The following RBM4B variants were observed in gnomAD, a reference collection of about 807,000 sequenced individuals.
RBM4B encodes the protein RNA-binding protein 4B.
In RBM4B, 13 loss-of-function variants were observed where a neutral mutation model predicts 28.5. The ratio of observed to expected loss-of-function variants is 0.46; its 90% CI spans 0.30 to 0.72. The LOEUF (loss-of-function observed/expected upper bound fraction) is 0.72. RBM4B is among the 30% of genes least tolerant of loss of function. RBM4B has a pLI of 0.09. For missense variants in RBM4B, 387 were observed against 477.6 expected (o/e 0.81, Z 1.77); for synonymous variants, 167 against 179.1 (o/e 0.93, Z 0.54).
chr11:66,675,190 G>A (rs1939599878), intron 2 of RBM4B, among the ~76,000 whole-genome samples: 1 of 152,214 alleles, frequency 6.6e-6, no homozygotes, highest in East Asian at 1.9e-4. Flanking sequence ...ACTCATGGTT[G>A]CAAAGAGCAA....
At chr11:66,672,565 G>A (rs1235698412) in intron 2 of RBM4B, among the ~76,000 whole-genome samples, 1 of 150,700 alleles carries the variant, frequency 6.6e-6, no homozygotes, top group African/African-American at 2.4e-5. Flanking sequence ...GCGCAGTCTC[G>A]GCTCACTGCA....
In RBM4B at chr11:66,665,449, C is replaced by T. The variant is rs1472801651; in HGVS notation, c.*139G>A. 2 of 735,582 alleles carry T rather than the reference C, an allele frequency of 2.7e-6. No individual in the cohort carries two copies. Among genetic ancestry groups the T allele is most frequent in the Non-Finnish European group, 4.7e-6 (2 of 427,564 alleles). 45.6% of individuals were successfully genotyped at this position (735,582 alleles called of 1,614,324 possible). The stretch of plus-strand genomic sequence containing the variant: ...AACTTAGAAGAATTAAGAAAGAAAA[C>T]ATAGTTGGTCACAAACTCCTTTTGT... On this transcript the variant is annotated 3_prime_UTR_variant, in exon 4 of 4. Transcript: ENST00000310046.
At chr11:66,676,244 C>A (rs1939632094) in intron 2 of RBM4B, 1 of 213,486 alleles carries the variant, frequency 4.7e-6, no homozygotes, top group Non-Finnish European at 9.2e-6. Flanking sequence ...CCACCAGTAT[C>A]CACCCAAAGC....
Position 66,666,198 on chromosome 11 carries a change from G to A in RBM4B, c.*10-620C>T, listed in dbSNP as rs1030518893. ...GCCAAATCAAAAGAAATCATTCCTA[G>A]AATTCTCTAATCCTTCTATTGATGA... On this transcript the variant is annotated intron_variant, in intron 3 of 3. Transcript: ENST00000310046. The A allele has an allele frequency of 1.5e-5, 13 of 860,090 alleles. No individual in the cohort carries two copies. In the Admixed American group the frequency reaches 5.1e-4, roughly 34 times the overall value. The allele number at this position is 860,090 out of a possible 1,614,324, so 53.3% of individuals were successfully genotyped here. A position where few individuals can be genotyped will look rare whatever the true frequency, so the allele number is the denominator to read the frequency against.
At chr11:66,674,982 G>C (rs1441038754) in intron 2 of RBM4B, among the ~76,000 whole-genome samples, 1 of 152,190 alleles carries the variant, frequency 6.6e-6, no homozygotes, top group Non-Finnish European at 1.5e-5. Flanking sequence ...CCTGTCAGGA[G>C]AAAACCCTCC....
At chr11:66,672,671 A>G (rs978699269) in intron 2 of RBM4B, among the ~76,000 whole-genome samples, 3 of 151,502 alleles carry the variant, frequency 2.0e-5, no homozygotes, top group African/African-American at 4.9e-5. Context: ...AATTTCTTCT[A>G]TTTTTAGTGG....
In RBM4B at chr11:66,676,993, C is replaced by T. The variant is rs377329999; in HGVS notation, c.87G>A (p.Leu29=). 1.1e-5 allele frequency: 17 copies of T among 1,613,996 alleles called. No homozygotes were observed. In the African/African-American group the frequency reaches 2.3e-4, roughly 22 times the overall value. The change falls in exon 2 of 4, where the codon CTG becomes CTA. Residue 29 remains leucine (L), a synonymous_variant. Coordinates refer to ENST00000310046, the MANE Select transcript of RBM4B (RefSeq NM_031492.4). Reference sequence around the variant, plus strand: ...CGTAATTCTTAATGATGTCACATTCCAGCACCTTCCCATACTGCTCGAAGA... The same window carrying T: ...CGTAATTCTTAATGATGTCACATTCTAGCACCTTCCCATACTGCTCGAAGA... ...RSLFEQYGKV[L]ECDIIKNYGF... is the part of the protein sequence containing the mutation.
At chr11:66,665,705 G>T in intron 3 of RBM4B, 127 bp from the exon 4 acceptor site, 1 of 1,464,624 alleles carries the variant, frequency 6.8e-7, no homozygotes, top group East Asian at 2.5e-5. Flanking sequence ...AACCAAGTCA[G>T]ACTGGATCTA....
chr11:66,674,177 CTTTT>C (rs926208528), intron 2 of RBM4B, among the ~76,000 whole-genome samples: 1 of 124,456 alleles, frequency 8.0e-6, no homozygotes, highest in Non-Finnish European at 1.7e-5. Flanking sequence ...ATTTTTTTTT[CTTTT>C]TTTTTTTTTT....
intron 2 of RBM4B, chr11:66,671,111 ATCAC>A: frequency 4.4e-6 from 3 of 681,610 alleles, no homozygotes; most frequent in South Asian, 1.5e-5. Flanking sequence ...AAAGAGTCCT[ATCAC>A]TCCAGTTTCT....
chr11:66,673,824 C>T (rs1250493576), intron 2 of RBM4B, among the ~76,000 whole-genome samples: 1 of 152,090 alleles, frequency 6.6e-6, no homozygotes, highest in Admixed American at 6.5e-5. Context: ...TAAATTGAAA[C>T]GTGTCAAACT....
In RBM4B at chr11:66,666,382, C is replaced by T. The variant is rs144112838; in HGVS notation, c.*10-804G>A. The T allele has an allele frequency of 8.8e-3, 8,709 of 993,156 alleles. 40 individuals are homozygous for T. Among genetic ancestry groups the T allele is most frequent in the Middle Eastern group, 0.013 (25 of 1,930 alleles). 61.5% of individuals were successfully genotyped at this position (993,156 alleles called of 1,614,324 possible). On this transcript the variant is annotated intron_variant, in intron 3 of 3. Transcript: ENST00000310046. ...GGATCAGTTCTGCTAGGGTGAGACC[C>T]GAATTTGGATCCCCAACAGTTCTGG...
At chr11:66,666,225 G>T in intron 3 of RBM4B, 1 of 884,790 alleles carries the variant, frequency 1.1e-6, no homozygotes, top group Non-Finnish European at 1.5e-6. Context: ...TATTGATGAT[G>T]GGAACTCCAG....
At chr11:66,665,854 A>G (rs1389238050) in intron 3 of RBM4B, 2 of 1,527,240 alleles carry the variant, frequency 1.3e-6, no homozygotes, top group African/African-American at 1.4e-5. Context: ...TCCATCTTTT[A>G]GGCAAGATAA....
chr11:66,665,889 G>A (rs761755512), intron 3 of RBM4B: 4 of 1,535,134 alleles, frequency 2.6e-6, no homozygotes, highest in Non-Finnish European at 3.5e-6. Flanking sequence ...GGCTACTGTT[G>A]CTGTAACAAA....
intron 2 of RBM4B, among the ~76,000 whole-genome samples, chr11:66,673,013 A>G (rs956154952): frequency 4.6e-5 from 7 of 152,300 alleles, no homozygotes; most frequent in East Asian, 1.9e-4. Context: ...AACCAGCCCT[A>G]TAAGTGTTTT....
rs140492098 is a variant in RBM4B, at chr11:66,677,164, C to T, written c.-12-73G>A. 5.3e-5 allele frequency: 81 copies of T among 1,536,482 alleles called. No individual in the cohort carries two copies. The African/African-American group carries it at 1.0e-3, about 19-fold the overall frequency. ...TTTCGGTGCACTGCAGCATTTTCGT[C>T]TAATCCTCCAAAGTTCTTGCACCTT... On this transcript the variant is annotated intron_variant, in intron 1 of 3. Coordinates refer to ENST00000310046, the MANE Select transcript of RBM4B (RefSeq NM_031492.4).
intron 2 of RBM4B, among the ~76,000 whole-genome samples, chr11:66,673,462 T>G (rs1939534210): frequency 6.6e-6 from 1 of 152,112 alleles, no homozygotes. Context: ...TGGCACTTTT[T>G]TGTTGGTTCA....
Position 66,665,454 on chromosome 11 carries a change from T to C in RBM4B, c.*134A>G. 1 of 749,338 alleles carries C rather than the reference T, an allele frequency of 1.3e-6. No individual in the cohort carries two copies. The allele number at this position is 749,338 out of a possible 1,614,324, so 46.4% of individuals were successfully genotyped here. A position where few individuals can be genotyped will look rare whatever the true frequency, so the allele number is the denominator to read the frequency against. On this transcript the variant is annotated 3_prime_UTR_variant, in exon 4 of 4. Transcript: ENST00000310046. ...AGAAGAATTAAGAAAGAAAACATAG[T>C]TGGTCACAAACTCCTTTTGTTTACT... is the stretch of plus-strand genomic sequence containing the variant.
Sources: allele counts gnomAD v4.1 joint callset (sites outside exome capture counted in the v4.1 genomes callset), GRCh38; gene constraint gnomAD v4.1.1; transcripts MANE v1.5; gene names NCBI Gene and HGNC (gene_info 2026-07-23, HGNC 2026-07-21).